Variants in COL9A1 observed in about 807,000 individuals in gnomAD.
COL9A1 encodes the protein collagen alpha-1(IX) chain.
Under a neutral mutation model 142.6 loss-of-function variants are expected in COL9A1, and 104 were observed. The ratio of observed to expected loss-of-function variants is 0.73; its 90% CI spans 0.62 to 0.86. The LOEUF is 0.86. Ranked by LOEUF, COL9A1 falls within the 40% of genes least tolerant of loss-of-function variation. The probability of loss-of-function intolerance (pLI) is 0.00; values close to 1 mark genes in which losing one functional copy is unlikely to be tolerated. For synonymous variants in COL9A1, 466 were observed against 396.0 expected (o/e 1.18, Z -2.10); for missense variants, 1,210 against 1,176.6 (o/e 1.03, Z -0.42).
At chr6:70,269,251 G>A (rs574466004) in intron 16 of COL9A1, among the ~76,000 whole-genome samples, 9 of 152,052 alleles carry the variant, frequency 5.9e-5, no homozygotes, top group South Asian at 2.1e-4. Flanking sequence ...CCTGAGGTTC[G>A]TGTCTCCAAT....
intron 18 of COL9A1, 32 bp from the exon 19 acceptor site, chr6:70,263,329 C>G (rs746676508): frequency 1.4e-5 from 22 of 1,586,880 alleles, no homozygotes; most frequent in Admixed American, 5.1e-5. Flanking sequence ...GAAAAGCACA[C>G]CAAATGTTAT....
chr6:70,252,405 T>C lies in COL9A1; in HGVS notation c.1765-90A>G, dbSNP rs528303618. ...TACCCAGACTGGGATCTCTTACATTTGAATAGCATTAATTCCCTGCTTTCA... is the reference window on the plus strand; with the variant it reads ...TACCCAGACTGGGATCTCTTACATTCGAATAGCATTAATTCCCTGCTTTCA... On this transcript the variant is annotated intron_variant, in intron 26 of 37. Coordinates refer to ENST00000357250, the MANE Select transcript of COL9A1 (RefSeq NM_001851.6). 3 of 1,114,628 alleles carry C rather than the reference T, an allele frequency of 2.7e-6. No homozygotes were observed. In the East Asian group the frequency reaches 7.1e-5, roughly 26 times the overall value. 69.0% of individuals were successfully genotyped at this position (1,114,628 alleles called of 1,614,324 possible). A position where few individuals can be genotyped will look rare whatever the true frequency, so the allele number is the denominator to read the frequency against.
At position 70,216,873 on chromosome 6, in the gene COL9A1, G is replaced by A; in HGVS notation, c.*24C>T. 2 of 1,613,154 alleles carry A rather than the reference G, an allele frequency of 1.2e-6. No homozygotes were observed. The highest frequency in any genetic ancestry group is 1.7e-6 in the Non-Finnish European group (2 of 1,179,768). The stretch of plus-strand genomic sequence containing the variant: ...TCCTTCACCAGGCGTGGTTCATGCA[G>A]ACAGCCATGCAGCAGTAAGCCTTTC... On this transcript the variant is annotated 3_prime_UTR_variant, in exon 38 of 38. Coordinates refer to ENST00000357250, the MANE Select transcript of COL9A1 (RefSeq NM_001851.6).
intron 28 of COL9A1, among the ~76,000 whole-genome samples, chr6:70,244,387 A>G (rs1174471709): frequency 1.3e-5 from 2 of 152,170 alleles, no homozygotes; most frequent in Non-Finnish European, 2.9e-5. Context: ...CCATCTATAA[A>G]TATAAAAATT....
intron 5 of COL9A1, among the ~76,000 whole-genome samples, chr6:70,289,625 A>G (rs943518371): frequency 2.6e-5 from 4 of 152,186 alleles, no homozygotes; most frequent in African/African-American, 4.8e-5. Context: ...AATATTTCCT[A>G]ACGATATGTA....
In COL9A1 at chr6:70,267,327, G is replaced by GTTTTTTTTTTTTTTTTTT. The variant is rs61373051; in HGVS notation, c.1288-558_1288-557insAAAAAAAAAAAAAAAAAA. Among the ~76,000 whole-genome samples the GTTTTTTTTTTTTTTTTTT allele has an allele frequency of 2.5e-3, 319 of 127,000 alleles. 15 individuals carry two copies. Among genetic ancestry groups the GTTTTTTTTTTTTTTTTTT allele is most frequent in the Non-Finnish European group, 3.8e-3 (226 of 60,110 alleles). 83.3% of individuals were successfully genotyped at this position (127,000 alleles called of 152,430 possible). A position where few individuals can be genotyped will look rare whatever the true frequency, so the allele number is the denominator to read the frequency against. Reference sequence around the variant, plus strand: ...TTGTTGTTGTTTGTTTGGTTTTTTTGTTTTTTTTTTTTGAGATGGAGCTTC... The same window carrying GTTTTTTTTTTTTTTTTTT: ...TTGTTGTTGTTTGTTTGGTTTTTTTGTTTTTTTTTTTTTTTTTTTTTTTTTTTTTTGAGATGGAGCTTC... On this transcript the variant is annotated intron_variant, in intron 17 of 37. Transcript: ENST00000357250.
In COL9A1 at chr6:70,300,241, T is replaced by C. The variant is rs2127608426; in HGVS notation, c.167-66A>G. The C allele has an allele frequency of 2.5e-6, 4 of 1,608,236 alleles. No individual in the cohort carries two copies. In the South Asian group the frequency reaches 3.3e-5, roughly 13 times the overall value. ...TTGGTTTTATTTCTTTCCACAACTTTCCCAAATAAAAAAAAAAATCAGGTT... is the reference window on the plus strand; with the variant it reads ...TTGGTTTTATTTCTTTCCACAACTTCCCCAAATAAAAAAAAAAATCAGGTT... On this transcript the variant is annotated intron_variant, in intron 3 of 37. Transcript: ENST00000357250.
chr6:70,288,984 T>C (rs1773557580), intron 5 of COL9A1, among the ~76,000 whole-genome samples: 1 of 152,206 alleles, frequency 6.6e-6, no homozygotes, highest in South Asian at 2.1e-4. Flanking sequence ...TAATAGTTAC[T>C]GAATATTAAT....
At position 70,302,129 on chromosome 6, in the gene COL9A1, A is replaced by G. The variant is rs2127609559; in HGVS notation, c.15-55T>C. 6.4e-6 allele frequency: 7 copies of G among 1,102,056 alleles called. No individual in the cohort carries two copies. The South Asian group carries it at 9.2e-5, about 14-fold the overall frequency. The allele number at this position is 1,102,056 out of a possible 1,614,324, so 68.3% of individuals were successfully genotyped here. On this transcript the variant is annotated intron_variant, in intron 1 of 37. Coordinates refer to ENST00000357250, the MANE Select transcript of COL9A1 (RefSeq NM_001851.6). Reference sequence around the variant, plus strand: ...ACAGGAGTCCCCGCAGATGGAAAACACTTCCATATTTTCAAACCTAGTAAA... The same window carrying G: ...ACAGGAGTCCCCGCAGATGGAAAACGCTTCCATATTTTCAAACCTAGTAAA...
At position 70,256,960 on chromosome 6, in the gene COL9A1, G is replaced by T. The variant is rs1216530950; in HGVS notation, c.1450-139C>A. On this transcript the variant is annotated intron_variant, in intron 20 of 37. Transcript: ENST00000357250. ...TAATACACACAGTGATCCCTGAGGA[G>T]TAATTACTCAGGCACCTCAGGTAAA... The T allele has an allele frequency of 1.0e-5, 7 of 675,748 alleles. No individual in the cohort carries two copies. In the African/African-American group the frequency reaches 1.3e-4, roughly 12 times the overall value. 41.9% of individuals were successfully genotyped at this position (675,748 alleles called of 1,614,324 possible). A position where few individuals can be genotyped will look rare whatever the true frequency, so the allele number is the denominator to read the frequency against.
chr6:70,274,383 C>T lies in COL9A1; in HGVS notation c.1030-301G>A, dbSNP rs112075981. ...CTCCCACCCCCTATTTTCTGACAGG[C>T]CCCTGTGTGTGTTGTTCCCCTTCAT... On this transcript the variant is annotated intron_variant, in intron 11 of 37. Coordinates refer to ENST00000357250, the MANE Select transcript of COL9A1 (RefSeq NM_001851.6). Among the ~76,000 whole-genome samples the T allele has an allele frequency of 0.024, 3,601 of 152,072 alleles. 127 individuals are homozygous for T. Among genetic ancestry groups the T allele is most frequent in the African/African-American group, 0.07 (2,900 of 41,498 alleles).
chr6:70,246,884 T>C (rs1171781249), intron 28 of COL9A1, among the ~76,000 whole-genome samples: 1 of 152,170 alleles, frequency 6.6e-6, no homozygotes, highest in Non-Finnish European at 1.5e-5. Context: ...GGCAAGCAGC[T>C]TAACCTCTCC....
intron 22 of COL9A1, 57 bp downstream of exon 22, chr6:70,255,280 T>C: frequency 6.2e-7 from 1 of 1,609,186 alleles, no homozygotes; most frequent in Non-Finnish European, 8.5e-7. Context: ...GAGATCAGCA[T>C]AATCAGCAGA....
At position 70,268,980 on chromosome 6, in the gene COL9A1, T is replaced by C. The variant is rs1772222131; in HGVS notation, c.1231-120A>G. The C allele has an allele frequency of 3.9e-6, 3 of 766,616 alleles. No individual in the cohort carries two copies. In the East Asian group the frequency reaches 7.9e-5, roughly 20 times the overall value. The allele number at this position is 766,616 out of a possible 1,614,324, so 47.5% of individuals were successfully genotyped here. A position where few individuals can be genotyped will look rare whatever the true frequency, so the allele number is the denominator to read the frequency against. ...CAGTTACAGAACTCCATTGCAATAA[T>C]ATTCATTGAATAATTCTAAACACCC... is the stretch of plus-strand genomic sequence containing the variant. On this transcript the variant is annotated intron_variant, in intron 16 of 37. Transcript: ENST00000357250.
chr6:70,253,115 G>T, intron 26 of COL9A1: 1 of 338,470 alleles, frequency 3.0e-6, no homozygotes, highest in Non-Finnish European at 5.7e-6. Context: ...CCTTATTTTA[G>T]TAGTAAGGAA....
At chr6:70,295,932 A>T (rs1773835064) in intron 4 of COL9A1, among the ~76,000 whole-genome samples, 1 of 152,160 alleles carries the variant, frequency 6.6e-6, no homozygotes, top group Admixed American at 6.5e-5. Flanking sequence ...AAACAATAAA[A>T]ATTTTATATT....
intron 26 of COL9A1, among the ~76,000 whole-genome samples, 164 bp from the exon 27 acceptor site, chr6:70,252,479 G>A (rs753337430): frequency 3.3e-5 from 5 of 152,048 alleles, no homozygotes; most frequent in African/African-American, 9.7e-5. Context: ...TAGATACATC[G>A]AAATCCTTTA....
intron 10 of COL9A1, among the ~76,000 whole-genome samples, chr6:70,278,699 T>C (rs1772923195): frequency 6.6e-6 from 1 of 152,232 alleles, no homozygotes; most frequent in Non-Finnish European, 1.5e-5. Flanking sequence ...TTTATGTCTT[T>C]TAATATTTGA....
chr6:70,238,575 A>G (rs748020577), intron 33 of COL9A1, among the ~76,000 whole-genome samples: 3 of 152,262 alleles, frequency 2.0e-5, no homozygotes, highest in Non-Finnish European at 2.9e-5. Context: ...TTTCAATGGT[A>G]TAACTGCCAA....
Sources: gnomAD v4.1 joint callset for allele counts (sites outside exome capture counted in the v4.1 genomes callset) on GRCh38, gnomAD v4.1.1 for gene constraint, MANE v1.5 for transcripts, NCBI Gene and HGNC (gene_info 2026-07-23, HGNC 2026-07-21) for gene names.